Variants in MEGF10 observed in about 807,000 individuals in gnomAD.
MEGF10 encodes multiple EGF like domains 10, also known as multiple epidermal growth factor-like domains protein 10.
MEGF10 carries 86 observed loss-of-function variants against 147.5 expected under a neutral mutation model. The observed-to-expected ratio is 0.58, with a 90% CI of 0.49 to 0.70. The LOEUF (loss-of-function observed/expected upper bound fraction) is 0.70, where lower values mean the gene tolerates loss of function less well. MEGF10 is among the 30% of genes least tolerant of loss of function. MEGF10 has a pLI of 0.00. For missense variants in MEGF10, 1,329 were observed against 1,487.3 expected (o/e 0.89, Z 1.75); for synonymous variants, 478 against 525.5 (o/e 0.91, Z 1.24).
At chr5:127,391,135 C>CAT (rs1561614931) in intron 5 of MEGF10, among the ~76,000 whole-genome samples, 1 of 126,706 alleles carries the variant, frequency 7.9e-6, no homozygotes, top group Non-Finnish European at 1.8e-5. Flanking sequence ...CACACACACA[C>CAT]ACACACACAC....
intron 18 of MEGF10, 34 bp from the exon 19 acceptor site, chr5:127,442,964 G>A: frequency 6.3e-7 from 1 of 1,593,256 alleles, no homozygotes; most frequent in Non-Finnish European, 8.6e-7. Context: ...AAATTCCCAA[G>A]GTTGGAAAGC....
rs1174410580 is a variant in MEGF10 at position 127,457,283 on chromosome 5, G to A, written c.3388G>A (p.Gly1130Ser). Reference sequence around the variant, plus strand: ...CTCCCCTAAGCAAGAGGACAGTGGTGGTAGCAGCAGCAACAGCAGCAGCAG... The same window carrying A: ...CTCCCCTAAGCAAGAGGACAGTGGTAGTAGCAGCAGCAACAGCAGCAGCAG... The part of the protein sequence containing the change: ...SSSPKQEDSG[G>S]SSSNSSSSSE The change falls in exon 25 of 25, where the codon GGT becomes AGT. Residue 1130 changes from glycine to serine, a missense_variant. By Grantham distance (56) the Gly-to-Ser change is moderately conservative. Transcript: ENST00000503335. The A allele has an allele frequency of 1.2e-6, 2 of 1,613,662 alleles. No individual in the cohort carries two copies. Among genetic ancestry groups the A allele is most frequent in the Non-Finnish European group, 1.7e-6 (2 of 1,179,896 alleles).
rs1425493748 is a variant in MEGF10 at position 127,438,581 on chromosome 5, C to A, written c.2233+14C>A. 1.9e-6 allele frequency: 3 copies of A among 1,612,786 alleles called. No individual in the cohort carries two copies. In the African/African-American group the frequency reaches 4.0e-5, roughly 22 times the overall value. On this transcript the variant is annotated intron_variant, in intron 17 of 24. Coordinates refer to ENST00000503335, the MANE Select transcript of MEGF10 (RefSeq NM_001256545.2). ...ACTGCACTCAGAGTAAGTGACAAGC[C>A]TTCTGAGGCTCACCAAGGGGAGCCT...
At chr5:127,280,880 T>G in the MEGF10 span, among the ~76,000 whole-genome samples, 2 of 152,326 alleles carry the variant, frequency 1.3e-5, no homozygotes, top group South Asian at 4.1e-4. Flanking sequence ...ACAAAGGGCA[T>G]ATACTTGCTT....
intron 13 of MEGF10, among the ~76,000 whole-genome samples, chr5:127,432,714 TAG>T (rs1220641406): frequency 6.6e-6 from 1 of 152,232 alleles, no homozygotes; most frequent in African/African-American, 2.4e-5. Flanking sequence ...TATTTAAAAT[TAG>T]AGTTAAACAA....
intron 4 of MEGF10, among the ~76,000 whole-genome samples, chr5:127,351,206 A>AT (rs924209449): frequency 7.9e-5 from 12 of 152,278 alleles, no homozygotes; most frequent in Admixed American, 2.0e-4. Context: ...TACTGAAGCT[A>AT]TTTTTTTATC....
intron 1 of MEGF10, among the ~76,000 whole-genome samples, chr5:127,292,216 C>T (rs946193179): frequency 2.6e-5 from 4 of 152,106 alleles, no homozygotes; most frequent in Admixed American, 6.5e-5. Flanking sequence ...TCTGGGCACC[C>T]GCCAGCCTGG....
At chr5:127,412,412 C>T (rs1764608564) in intron 9 of MEGF10, among the ~76,000 whole-genome samples, 1 of 152,260 alleles carries the variant, frequency 6.6e-6, no homozygotes, top group African/African-American at 2.4e-5. Context: ...CCCAAGGTCC[C>T]TTCAAACCAA....
chr5:127,389,958 G>A (rs953582073), intron 5 of MEGF10, among the ~76,000 whole-genome samples: 1 of 151,566 alleles, frequency 6.6e-6, no homozygotes, highest in South Asian at 2.1e-4. Context: ...CACTGAACCT[G>A]GCATGATGTA....
At chr5:127,273,927 C>A in the MEGF10 span, among the ~76,000 whole-genome samples, 2 of 152,108 alleles carry the variant, frequency 1.3e-5, no homozygotes, top group Non-Finnish European at 2.9e-5. Context: ...AATTAAAACT[C>A]ATTTCTTTGT....
chr5:127,245,717 A>G, the MEGF10 span, among the ~76,000 whole-genome samples: 1 of 152,224 alleles, frequency 6.6e-6, no homozygotes, highest in African/African-American at 2.4e-5. Context: ...CATCTGACAA[A>G]GGGCTAATAT....
chr5:127,262,935 G>A, the MEGF10 span, among the ~76,000 whole-genome samples: 1 of 152,130 alleles, frequency 6.6e-6, no homozygotes, highest in African/African-American at 2.4e-5. Context: ...TAGAAATAGA[G>A]ATGAGAGGGT....
At chr5:127,250,707 ATAT>A in the MEGF10 span, among the ~76,000 whole-genome samples, 1 of 152,156 alleles carries the variant, frequency 6.6e-6, no homozygotes, top group East Asian at 1.9e-4. Flanking sequence ...TGACACATAA[ATAT>A]TATAAAGAAA....
chr5:127,440,784 A>G lies in MEGF10; in HGVS notation c.2279A>G (p.Gln760Arg), dbSNP rs960424619. ...GGAAAAGATTGTGCACTGATATGCC[A>G]ATGTCAAAACGGAGCTGACTGCGAC... ...FYGKDCALIC[Q>R]CQNGADCDHI... The change falls in exon 18 of 25, where the codon CAA (glutamine) becomes CGA (arginine). Residue 760 changes from glutamine to arginine, a missense_variant. Physicochemically the swap from Gln to Arg is conservative, Grantham distance 43. Around this residue, in one of 3 missense-constraint regions of MEGF10, gnomAD observed 980 missense variants for 1,085.9 expected, o/e 0.90. Transcript: ENST00000503335. The G allele has an allele frequency of 1.9e-6, 3 of 1,613,976 alleles. No homozygotes were observed. The highest frequency in any genetic ancestry group is 1.3e-5 in the African/African-American group (1 of 74,910).
intron 4 of MEGF10, among the ~76,000 whole-genome samples, chr5:127,351,902 G>T (rs1762102535): frequency 1.3e-5 from 2 of 152,154 alleles, no homozygotes; most frequent in Non-Finnish European, 2.9e-5. Flanking sequence ...TCATTTCCAT[G>T]TACCATTATT....
chr5:127,344,317 CAGGTATATACATTATCTT>C (rs1224210298), intron 4 of MEGF10, among the ~76,000 whole-genome samples: 1 of 151,958 alleles, frequency 6.6e-6, no homozygotes, highest in Non-Finnish European at 1.5e-5. Context: ...TACTACATAC[CAGGTATATACATTATCTT>C]ATAAAATTTC....
In MEGF10 at chr5:127,319,356, A is replaced by G. The variant is rs1476166638; in HGVS notation, c.-18-11935A>G. Among the ~76,000 whole-genome samples the G allele has an allele frequency of 3.3e-5, 5 of 152,268 alleles. No individual in the cohort carries two copies. The East Asian group carries it at 7.7e-4, about 24-fold the overall frequency. On this transcript the variant is annotated intron_variant, in intron 1 of 24. Transcript: ENST00000503335. ...CTCCCAAGGTATTAGGATTACAGGC[A>G]TGAGCCACTGTGCCTGGCCTTGCTT...
the MEGF10 span, among the ~76,000 whole-genome samples, chr5:127,277,674 A>G: frequency 2.8e-3 from 431 of 152,292 alleles, 1 homozygote; most frequent in Middle Eastern, 0.037. Context: ...AGGGAGAACA[A>G]TAAAGAGACC....
chr5:127,246,762 T>G, the MEGF10 span, among the ~76,000 whole-genome samples: 1 of 103,930 alleles, frequency 9.6e-6, no homozygotes, highest in African/African-American at 3.4e-5. Context: ...TTACATAAAA[T>G]ATTTATAAAT....
Sources: gnomAD v4.1 joint callset for allele counts (sites outside exome capture counted in the v4.1 genomes callset) on GRCh38, gnomAD v4.1.1 for gene constraint, gnomAD v4.1.1 regional missense constraint, MANE v1.5 for transcripts, NCBI Gene and HGNC (gene_info 2026-07-23, HGNC 2026-07-21) for gene names.